Variants in MAPKAP1 observed in about 807,000 individuals in gnomAD.
MAPKAP1 encodes MAPK associated protein 1.
In MAPKAP1, 20 loss-of-function variants were observed where a neutral mutation model predicts 65.7. The observed-to-expected ratio is 0.30, with a 90% CI of 0.21 to 0.44. MAPKAP1 has a LOEUF of 0.44. Among genes scored for constraint, MAPKAP1 ranks in the 20% least tolerant of loss-of-function variants. The probability of loss-of-function intolerance (pLI) is 1.00; values close to 1 mark genes in which losing one functional copy is unlikely to be tolerated. For missense variants in MAPKAP1, 423 were observed against 648.0 expected (o/e 0.65, Z 3.77); for synonymous variants, 222 against 244.3 (o/e 0.91, Z 0.85).
At chr9:125,622,248 T>C (rs1320859450) in intron 4 of MAPKAP1, among the ~76,000 whole-genome samples, 1 of 152,148 alleles carries the variant, frequency 6.6e-6, no homozygotes, top group Non-Finnish European at 1.5e-5. Context: ...TTATAATTTA[T>C]TGCATAAATG....
intron 4 of MAPKAP1, among the ~76,000 whole-genome samples, chr9:125,628,894 C>G (rs1564591462): frequency 6.6e-6 from 1 of 151,918 alleles, no homozygotes; most frequent in Non-Finnish European, 1.5e-5. Flanking sequence ...ACAAGAACAA[C>G]AACAACAAAA....
intron 1 of MAPKAP1, among the ~76,000 whole-genome samples, chr9:125,678,336 G>A (rs2416968): frequency 0.31 from 47,489 of 151,460 alleles, 8,165 homozygotes; most frequent in Middle Eastern, 0.4. Flanking sequence ...TCCGCCTCCC[G>A]GGTTCACGCC....
chr9:125,595,574 G>C lies in MAPKAP1; in HGVS notation c.499-9847C>G, dbSNP rs1052573434. 1.1e-5 allele frequency: 14 copies of C among 1,242,596 alleles called. No individual in the cohort carries two copies. The African/African-American group carries it at 2.1e-4, about 19-fold the overall frequency. 77.0% of individuals were successfully genotyped at this position (1,242,596 alleles called of 1,614,324 possible). On this transcript the variant is annotated intron_variant, in intron 4 of 11. Coordinates refer to ENST00000265960, the MANE Select transcript of MAPKAP1 (RefSeq NM_001006617.3). The surrounding 1 kb of genome is among the most constrained non-coding windows in gnomAD (Gnocchi z 4.0). ...ATGGGATTCAGTTCAAAATAATCTT[G>C]AATTAAGAAATATCATGCTATGTTT...
chr9:125,483,535 G>T (rs981467075), intron 9 of MAPKAP1, among the ~76,000 whole-genome samples: 3 of 152,218 alleles, frequency 2.0e-5, no homozygotes, highest in Non-Finnish European at 4.4e-5. Context: ...GACGCAGGAA[G>T]AGGTGGTGTG....
intron 4 of MAPKAP1, among the ~76,000 whole-genome samples, chr9:125,603,687 T>A (rs1016280251): frequency 6.6e-6 from 1 of 152,246 alleles, no homozygotes; most frequent in Non-Finnish European, 1.5e-5. Flanking sequence ...TTTTATCTTA[T>A]TAAAATAGAT....
chr9:125,535,949 C>T (rs1010011246), intron 7 of MAPKAP1, among the ~76,000 whole-genome samples: 13 of 152,060 alleles, frequency 8.5e-5, no homozygotes, highest in African/African-American at 3.1e-4. Context: ...CTTATGACTG[C>T]CCAGATGATA....
At chr9:125,643,351 C>T (rs1429613740) in intron 4 of MAPKAP1, among the ~76,000 whole-genome samples, 2 of 151,962 alleles carry the variant, frequency 1.3e-5, no homozygotes, top group East Asian at 1.9e-4. Context: ...CCCACCACCA[C>T]ATCCAGCTGA....
At chr9:125,542,176 C>T (rs1396756158) in intron 7 of MAPKAP1, among the ~76,000 whole-genome samples, 2 of 152,296 alleles carry the variant, frequency 1.3e-5, no homozygotes, top group Admixed American at 6.5e-5. Context: ...ACAGCTCATC[C>T]GTGTCCTTCA....
intron 4 of MAPKAP1, among the ~76,000 whole-genome samples, chr9:125,638,529 T>C (rs1833488422): frequency 6.6e-6 from 1 of 152,232 alleles, no homozygotes; most frequent in African/African-American, 2.4e-5. Context: ...ACCCATTGTT[T>C]TGCACACAAA....
intron 6 of MAPKAP1, among the ~76,000 whole-genome samples, chr9:125,558,634 C>A (rs1198847786): frequency 3.3e-5 from 5 of 152,018 alleles, no homozygotes; most frequent in Admixed American, 2.0e-4. Flanking sequence ...GCAGGGGGTG[C>A]CAAAGGGATC....
At chr9:125,600,937 G>A (rs1188387770) in intron 4 of MAPKAP1, among the ~76,000 whole-genome samples, 1 of 152,144 alleles carries the variant, frequency 6.6e-6, no homozygotes, top group African/African-American at 2.4e-5. Context: ...CCCCATCACA[G>A]AGCATAAGTT....
chr9:125,556,050 G>T (rs571427967), intron 6 of MAPKAP1, among the ~76,000 whole-genome samples: 1 of 152,300 alleles, frequency 6.6e-6, no homozygotes, highest in Non-Finnish European at 1.5e-5. Context: ...GCTCTCCAAG[G>T]GTTGTTTATT....
intron 4 of MAPKAP1, among the ~76,000 whole-genome samples, chr9:125,607,374 G>A (rs1159469295): frequency 6.6e-6 from 1 of 152,218 alleles, no homozygotes; most frequent in African/African-American, 2.4e-5. Context: ...CACTACAGCA[G>A]CTAATATTTA....
intron 4 of MAPKAP1, among the ~76,000 whole-genome samples, chr9:125,627,761 A>G (rs1833156540): frequency 6.6e-6 from 1 of 152,118 alleles, no homozygotes; most frequent in Non-Finnish European, 1.5e-5. Flanking sequence ...ATTTTATCCT[A>G]CTTTACGGTA....
chr9:125,659,421 C>CT lies in MAPKAP1; in HGVS notation c.350-1623dup, dbSNP rs1428096188. Reference sequence around the variant, plus strand: ...CTCAGACATTCACACTCAGACCTCTCTCCTCAACCTAACACCTCCTCCCCT... The same window carrying CT: ...CTCAGACATTCACACTCAGACCTCTCTTCCTCAACCTAACACCTCCTCCCCT... On this transcript the variant is annotated intron_variant, in intron 3 of 11. Transcript: ENST00000265960. 5.3e-5 allele frequency among the ~76,000 whole-genome samples: 8 copies of CT among 152,310 alleles called. No individual in the cohort carries two copies. The East Asian group carries it at 1.5e-3, about 29-fold the overall frequency.
chr9:125,705,613 C>CATATAT (rs1237700493), intron 1 of MAPKAP1, among the ~76,000 whole-genome samples: 1 of 152,084 alleles, frequency 6.6e-6, no homozygotes, highest in East Asian at 1.9e-4. Flanking sequence ...TGGTACCTGG[C>CATATAT]ATATATATAC....
Position 125,595,196 on chromosome 9 carries a change from T to C in MAPKAP1, c.499-9469A>G, listed in dbSNP as rs964514992. Among the ~76,000 whole-genome samples, 2 of 152,208 alleles carry C rather than the reference T, an allele frequency of 1.3e-5. No homozygotes were observed. Among genetic ancestry groups the C allele is most frequent in the African/African-American group, 4.8e-5 (2 of 41,456 alleles). On this transcript the variant is annotated intron_variant, in intron 4 of 11. Coordinates refer to ENST00000265960, the MANE Select transcript of MAPKAP1 (RefSeq NM_001006617.3). This position sits in a 1 kb window ranked among gnomAD's most constrained non-coding sequence, Gnocchi z 4.0. Reference sequence around the variant, plus strand: ...AAGTAGATTACTAAGTCAAAGACTATGAATGTTTTGTAACTTGTGATATAT... The same window carrying C: ...AAGTAGATTACTAAGTCAAAGACTACGAATGTTTTGTAACTTGTGATATAT...
At chr9:125,544,086 C>T (rs1830347104) in intron 6 of MAPKAP1, among the ~76,000 whole-genome samples, 1 of 152,126 alleles carries the variant, frequency 6.6e-6, no homozygotes, top group Non-Finnish European at 1.5e-5. Flanking sequence ...TCTCGGCTCA[C>T]TGCAACCTCT....
chr9:125,544,027 C>CG (rs1554820058), intron 6 of MAPKAP1, among the ~76,000 whole-genome samples: 1 of 150,362 alleles, frequency 6.7e-6, no homozygotes, highest in Admixed American at 6.6e-5. Flanking sequence ...CATACACACA[C>CG]TTTTTTTTTT....
Sources: allele counts gnomAD v4.1 joint callset (sites outside exome capture counted in the v4.1 genomes callset), GRCh38; gene constraint gnomAD v4.1.1; non-coding constraint Gnocchi (gnomAD v3.1); transcripts MANE v1.5; gene names NCBI Gene and HGNC (gene_info 2026-07-23, HGNC 2026-07-21).